ROBO2: variants seen among roughly 807,000 people sequenced by gnomAD.
ROBO2 encodes roundabout guidance receptor 2.
In ROBO2, 53 loss-of-function variants were observed where a neutral mutation model predicts 160.8. The ratio of observed to expected loss-of-function variants is 0.33; its 90% CI spans 0.26 to 0.41. ROBO2 has a LOEUF of 0.41. ROBO2 is among the 10% of genes least tolerant of loss of function. The pLI is 1.00. For missense variants in ROBO2, 1,577 were observed against 1,722.4 expected, an observed-to-expected ratio of 0.92 and a Z score of 1.49; for synonymous variants, 664 against 611.7, an observed-to-expected ratio of 1.09 and a Z score of -1.26.
chr3:77,210,868 T>G (rs1317399537), intron 2 of ROBO2, among the ~76,000 whole-genome samples: 1 of 152,160 alleles, frequency 6.6e-6, no homozygotes, highest in Admixed American at 6.5e-5. Flanking sequence ...GATAGTTTAC[T>G]GAGAATGATG....
intron 2 of ROBO2, among the ~76,000 whole-genome samples, chr3:77,275,511 T>C (rs1377452494): frequency 6.6e-6 from 1 of 152,206 alleles, no homozygotes; most frequent in East Asian, 1.9e-4. Flanking sequence ...TTACTCTGCC[T>C]CTTTAATTTA....
intron 2 of ROBO2, among the ~76,000 whole-genome samples, chr3:77,386,405 G>T (rs527724278): frequency 6.6e-6 from 1 of 152,088 alleles, no homozygotes; most frequent in East Asian, 1.9e-4. Context: ...TTTTCTTTTA[G>T]CACGTTAGGT....
intron 2 of ROBO2, among the ~76,000 whole-genome samples, chr3:77,419,462 A>G (rs1339567602): frequency 1.3e-5 from 2 of 152,162 alleles, no homozygotes; most frequent in African/African-American, 4.8e-5. Flanking sequence ...ACATGAGGAC[A>G]TATATTACTA....
intron 2 of ROBO2, among the ~76,000 whole-genome samples, chr3:76,915,876 T>C (rs186766463): frequency 6.6e-6 from 1 of 152,074 alleles, no homozygotes; most frequent in East Asian, 1.9e-4. Context: ...GCAAATCCAG[T>C]GTGTGGTGAG....
chr3:77,291,342 A>G (rs2061220864), intron 2 of ROBO2, among the ~76,000 whole-genome samples: 2 of 151,894 alleles, frequency 1.3e-5, no homozygotes, highest in Admixed American at 6.6e-5. Context: ...CCCCAGACGT[A>G]AAGTAAAATT....
chr3:76,025,176 G>T (rs888871903), intron 2 of ROBO2, among the ~76,000 whole-genome samples: 2 of 151,344 alleles, frequency 1.3e-5, no homozygotes, highest in African/African-American at 4.8e-5. Flanking sequence ...TTTAAATAAT[G>T]CTAAATATTT....
intron 2 of ROBO2, among the ~76,000 whole-genome samples, chr3:77,163,055 C>T (rs1228008442): frequency 2.6e-5 from 4 of 151,882 alleles, no homozygotes; most frequent in African/African-American, 2.4e-5. Context: ...AGGCTGGTCT[C>T]GAACTCCTGA....
intron 2 of ROBO2, among the ~76,000 whole-genome samples, chr3:76,350,898 C>T (rs1044750017): frequency 1.3e-5 from 2 of 151,872 alleles, no homozygotes; most frequent in African/African-American, 2.4e-5. Context: ...CTAGTCTGCT[C>T]ATAAAAGGAT....
chr3:76,807,763 T>A (rs2064847127), intron 2 of ROBO2, among the ~76,000 whole-genome samples: 1 of 152,104 alleles, frequency 6.6e-6, no homozygotes, highest in Non-Finnish European at 1.5e-5. Context: ...GGGCATCAGT[T>A]ATATGTATTC....
At chr3:77,430,722 G>C (rs2078682987) in intron 2 of ROBO2, among the ~76,000 whole-genome samples, 2 of 152,056 alleles carry the variant, frequency 1.3e-5, no homozygotes, top group African/African-American at 4.8e-5. Flanking sequence ...CTCAACCTTG[G>C]ACTTCCTAAC....
At chr3:77,522,515 C>A (rs991046485) in intron 5 of ROBO2, among the ~76,000 whole-genome samples, 1 of 151,060 alleles carries the variant, frequency 6.6e-6, no homozygotes, top group African/African-American at 2.4e-5. Context: ...GCTAATTATG[C>A]CTTTGATAGT....
intron 2 of ROBO2, among the ~76,000 whole-genome samples, chr3:77,186,709 A>AT (rs5850312): frequency 0.032 from 4,851 of 151,524 alleles, 259 homozygotes; most frequent in African/African-American, 0.11. Flanking sequence ...CAAAACTGAG[A>AT]TTTTTTTTTG....
chr3:76,452,565 A>G (rs944442352), intron 2 of ROBO2, among the ~76,000 whole-genome samples: 12 of 152,114 alleles, frequency 7.9e-5, no homozygotes, highest in Non-Finnish European at 1.2e-4. Flanking sequence ...TTCTTAATCC[A>G]GTCTATCATT....
At chr3:77,246,360 T>TG (rs748672940) in intron 2 of ROBO2, among the ~76,000 whole-genome samples, 7 of 151,032 alleles carry the variant, frequency 4.6e-5, no homozygotes, top group South Asian at 2.1e-4. Flanking sequence ...TGTGTGTGTG[T>TG]TTTGCATGTT....
intron 2 of ROBO2, among the ~76,000 whole-genome samples, chr3:77,406,163 G>C (rs565478433): frequency 1.3e-5 from 2 of 152,262 alleles, no homozygotes; most frequent in African/African-American, 4.8e-5. Flanking sequence ...AAGCGAAGGG[G>C]AAGAGCTTCT....
chr3:77,002,218 A>G (rs1457467844), intron 2 of ROBO2, among the ~76,000 whole-genome samples: 1 of 151,964 alleles, frequency 6.6e-6, no homozygotes, highest in Non-Finnish European at 1.5e-5. Flanking sequence ...CTTATAGCCT[A>G]TATTATGGGA....
chr3:75,992,426 G>T (rs574348422), intron 2 of ROBO2, among the ~76,000 whole-genome samples: 1 of 152,272 alleles, frequency 6.6e-6, no homozygotes, highest in South Asian at 2.1e-4. Flanking sequence ...CTCCCACATG[G>T]TGTTGAGCCT....
chr3:77,219,334 C>T (rs2085410015), intron 2 of ROBO2, among the ~76,000 whole-genome samples: 1 of 150,528 alleles, frequency 6.6e-6, no homozygotes, highest in South Asian at 2.1e-4. Context: ...AGTAGTTCTC[C>T]TTCTTTTGCA....
At chr3:77,356,153 C>T (rs1038705288) in intron 2 of ROBO2, among the ~76,000 whole-genome samples, 7 of 151,954 alleles carry the variant, frequency 4.6e-5, no homozygotes, top group African/African-American at 7.3e-5. Context: ...ATTATGCAAC[C>T]ATTAAGAAGA....
Sources: gnomAD v4.1 joint callset for allele counts (sites outside exome capture counted in the v4.1 genomes callset) on GRCh38, gnomAD v4.1.1 for gene constraint, MANE v1.5 for transcripts, NCBI Gene and HGNC (gene_info 2026-07-23, HGNC 2026-07-21) for gene names.